The following NEU3 variants were observed in gnomAD, a reference collection of about 807,000 sequenced individuals.
The protein encoded by NEU3 is neuraminidase 3.
A neutral mutation model predicts 11.4 loss-of-function variants in NEU3; 10 were observed. The ratio of observed to expected loss-of-function variants is 0.88; its 90% CI spans 0.54 to 1.49. The LOEUF is 1.49. NEU3 is among the 40% of genes most tolerant of loss of function. The pLI, the probability that NEU3 is intolerant of heterozygous loss-of-function variation, is 0.00. For missense variants in NEU3, 529 were observed against 581.8 expected, an observed-to-expected ratio of 0.91 and a Z score of 0.93; for synonymous variants, 212 against 228.2, an observed-to-expected ratio of 0.93 and a Z score of 0.64.
downstream of NEU3, among the ~76,000 whole-genome samples, chr11:75,020,487 T>A (rs1948998238): frequency 6.6e-6 from 1 of 152,152 alleles, no homozygotes; most frequent in Non-Finnish European, 1.5e-5. Flanking sequence ...CCCATGCTGC[T>A]CTCATGATCG....
chr11:74,983,371 G>T (rs569921816), upstream of NEU3, among the ~76,000 whole-genome samples: 13 of 152,300 alleles, frequency 8.5e-5, no homozygotes, highest in Non-Finnish European at 1.8e-4. Context: ...AAGAGGAAAA[G>T]AAATAAAAGC....
At chr11:74,988,905 CTT>C, upstream of NEU3, 1 of 653,110 alleles carries the variant, frequency 1.5e-6, no homozygotes, top group Non-Finnish European at 2.7e-6. Context: ...GCGCCCGCCT[CTT>C]TTCGTTGCCG....
At chr11:75,020,425 T>C (rs959946805), downstream of NEU3, among the ~76,000 whole-genome samples, 4 of 152,192 alleles carry the variant, frequency 2.6e-5, no homozygotes, top group South Asian at 8.3e-4. Context: ...AATTCCTACA[T>C]GTTGTGGGAG....
rs1303183462 is a variant in NEU3, at chr11:75,006,951, C to G, written c.*459C>G. ...TACCCCTCATCCGAGTGTGAGGTTA[C>G]AAGCAGGTGTCATGGCAGGAAGGAA... is the stretch of plus-strand genomic sequence containing the variant. On this transcript the variant is annotated 3_prime_UTR_variant, in exon 3 of 3. Transcript: ENST00000294064. 1 of 156,508 alleles carries G rather than the reference C, an allele frequency of 6.4e-6. No individual in the cohort carries two copies. Among genetic ancestry groups the G allele is most frequent in the Non-Finnish European group, 1.4e-5 (1 of 70,862 alleles). 9.7% of individuals were successfully genotyped at this position (156,508 alleles called of 1,614,324 possible). A position where few individuals can be genotyped will look rare whatever the true frequency, so the allele number is the denominator to read the frequency against.
intron 2 of NEU3, chr11:75,004,448 C>T: frequency 2.2e-6 from 1 of 463,248 alleles, no homozygotes; most frequent in Non-Finnish European, 3.8e-6. Flanking sequence ...ATGAGTGAAG[C>T]TGAACTTTTT....
chr11:74,990,877 T>G (rs1293352788), intron 1 of NEU3, among the ~76,000 whole-genome samples: 3 of 152,248 alleles, frequency 2.0e-5, no homozygotes, highest in Admixed American at 1.3e-4. Context: ...AAGGGAGTTG[T>G]AATTGTTATT....
upstream of NEU3, among the ~76,000 whole-genome samples, chr11:74,986,607 T>A (rs671544): frequency 0.72 from 108,789 of 152,110 alleles, 40,211 homozygotes; most frequent in Non-Finnish European, 0.82. Context: ...AATATTTATT[T>A]CTCATCTCTG....
At chr11:74,985,223 CAAAT>C (rs1234024535), upstream of NEU3, among the ~76,000 whole-genome samples, 1 of 152,074 alleles carries the variant, frequency 6.6e-6, no homozygotes, top group Non-Finnish European at 1.5e-5. Flanking sequence ...ATATTTCAGA[CAAAT>C]AAGGCTTAAA....
intron 2 of NEU3, among the ~76,000 whole-genome samples, chr11:74,999,363 A>C (rs1019497975): frequency 5.9e-5 from 9 of 152,244 alleles, no homozygotes; most frequent in African/African-American, 2.2e-4. Flanking sequence ...CTCAGTAGTC[A>C]CACACATCCA....
chr11:75,006,358 T>G lies in NEU3; in HGVS notation c.1252T>G (p.Leu418Val). 3.1e-6 allele frequency: 5 copies of G among 1,613,938 alleles called. No homozygotes were observed. The highest frequency in any genetic ancestry group is 1.3e-5 in the African/African-American group (1 of 74,992). ...GGAGGAGGAGGGCTTGTTTGGGTGT[T>G]TGTTTGAATGTGGGACCAAGCAAGA... ...ALEEEGLFGCLFECGTKQECE... is the reference protein window; with the variant it reads ...ALEEEGLFGCVFECGTKQECE... Residue 418 changes from leucine (L) to valine (V), a missense_variant, in exon 3 of 3, where the codon TTG becomes GTG. Physicochemically the swap from Leu to Val is conservative, Grantham distance 32. Transcript: ENST00000294064.
At chr11:74,982,307 G>C in the NEU3 span, among the ~76,000 whole-genome samples, 3 of 152,130 alleles carry the variant, frequency 2.0e-5, no homozygotes, top group Admixed American at 1.3e-4. Flanking sequence ...GTTTGGTAGT[G>C]GGGGTGGAGT....
intron 2 of NEU3, among the ~76,000 whole-genome samples, chr11:74,995,813 T>TATC (rs1245726615): frequency 2.6e-5 from 4 of 151,572 alleles, no homozygotes; most frequent in African/African-American, 9.7e-5. Context: ...TTATTATTAT[T>TATC]ATTATTTTTC....
chr11:74,991,421 T>C (rs1238321487), intron 1 of NEU3, among the ~76,000 whole-genome samples: 1 of 152,196 alleles, frequency 6.6e-6, no homozygotes, highest in Non-Finnish European at 1.5e-5. Context: ...GACTAAATAT[T>C]CATATGCTAT....
chr11:75,004,339 C>A, intron 2 of NEU3: 1 of 663,070 alleles, frequency 1.5e-6, no homozygotes, highest in South Asian at 1.6e-5. Context: ...AGACTGGTCT[C>A]AAACTCCTGG....
At chr11:74,984,115 C>T (rs892573511), upstream of NEU3, among the ~76,000 whole-genome samples, 7 of 152,140 alleles carry the variant, frequency 4.6e-5, no homozygotes, top group Admixed American at 2.0e-4. Context: ...TGGGAGAATT[C>T]ATCAAAAGCC....
Position 75,005,547 on chromosome 11 carries a change from TC to T in NEU3, c.442del (p.Gln148AsnfsTer27). On this transcript the variant is annotated frameshift_variant, in exon 3 of 3. Coordinates refer to ENST00000294064, the MANE Select transcript of NEU3 (RefSeq NM_006656.6). LOFTEE classifies it low-confidence loss of function (END_TRUNC). Reference sequence around the variant, plus strand: ...GTGTGCGGGGCCATGTCACAGAGCGTCAACAGATTGTGTCAGGCAGGAATGC... The same window carrying T: ...GTGTGCGGGGCCATGTCACAGAGCGTAACAGATTGTGTCAGGCAGGAATGC... ...ICVRGHVTER[Q>X]QIVSGRNAAR... is the part of the protein sequence containing the mutation. 6.2e-7 allele frequency: 1 copy of T among 1,613,950 alleles called. No homozygotes were observed. Among genetic ancestry groups the T allele is most frequent in the East Asian group, 2.2e-5 (1 of 44,872 alleles).
chr11:74,980,696 T>A, the NEU3 span, among the ~76,000 whole-genome samples: 1 of 152,236 alleles, frequency 6.6e-6, no homozygotes, highest in East Asian at 1.9e-4. Context: ...CATACACATA[T>A]CATTGTCTGT....
rs767922424 is a variant in NEU3, at chr11:75,006,157, G to A, written c.1051G>A (p.Glu351Lys). Reference protein sequence around the residue: ...QSSPGSSLRLEEEAGTPSESW... With the variant: ...QSSPGSSLRLKEEAGTPSESW... ...CTCTCCAGGCAGTTCACTGAGGCTGGAGGAGGAAGCTGGAACACCGTCAGA... is the reference window on the plus strand; with the variant it reads ...CTCTCCAGGCAGTTCACTGAGGCTGAAGGAGGAAGCTGGAACACCGTCAGA... Residue 351 changes from glutamate (E) to lysine (K), a missense_variant, in exon 3 of 3, where the codon GAG (glutamate) becomes AAG (lysine). By Grantham distance (56) the Glu-to-Lys change is moderately conservative. Coordinates refer to ENST00000294064, the MANE Select transcript of NEU3 (RefSeq NM_006656.6). 1.2e-6 allele frequency: 2 copies of A among 1,613,910 alleles called. No individual in the cohort carries two copies. Among genetic ancestry groups the A allele is most frequent in the Non-Finnish European group, 1.7e-6 (2 of 1,179,906 alleles).
downstream of NEU3, among the ~76,000 whole-genome samples, chr11:75,011,970 A>C (rs1281259216): frequency 6.6e-6 from 1 of 151,960 alleles, no homozygotes; most frequent in African/African-American, 2.4e-5. Context: ...CGTTGTATGC[A>C]GTTTGTAATC....
Sources: gnomAD v4.1 joint callset for allele counts (sites outside exome capture counted in the v4.1 genomes callset) on GRCh38, gnomAD v4.1.1 for gene constraint, MANE v1.5 for transcripts, NCBI Gene and HGNC (gene_info 2026-07-23, HGNC 2026-07-21) for gene names.